The following MTUS2 variants were observed in gnomAD, a reference collection of about 807,000 sequenced individuals.
MTUS2 encodes the protein microtubule-associated tumor suppressor candidate 2.
In MTUS2, 40 loss-of-function variants were observed where a neutral mutation model predicts 114.1. The ratio of observed to expected loss-of-function variants is 0.35; its 90% CI spans 0.27 to 0.46. MTUS2 has a LOEUF of 0.46. MTUS2 is among the 20% of genes least tolerant of loss of function. The pLI, the probability that MTUS2 is intolerant of heterozygous loss-of-function variation, is 1.00. For missense variants in MTUS2, 1,679 were observed against 1,705.4 expected (o/e 0.98, Z 0.27); for synonymous variants, 688 against 672.0 (o/e 1.02, Z -0.37).
At chr13:29,198,474 C>T (rs1446542474) in intron 5 of MTUS2, among the ~76,000 whole-genome samples, 1 of 152,076 alleles carries the variant, frequency 6.6e-6, no homozygotes, top group Admixed American at 6.5e-5. Context: ...TTACTGTAGC[C>T]TTGTAGTATA....
At chr13:29,087,436 T>A (rs1259221455) in intron 4 of MTUS2, among the ~76,000 whole-genome samples, 1 of 152,198 alleles carries the variant, frequency 6.6e-6, no homozygotes, top group African/African-American at 2.4e-5. Context: ...CAACCTTACA[T>A]CCCAAGAATA....
chr13:29,320,130 A>G (rs1900192605), intron 6 of MTUS2, among the ~76,000 whole-genome samples: 1 of 152,220 alleles, frequency 6.6e-6, no homozygotes. Flanking sequence ...CCAGATAGAG[A>G]CAATGTCATC....
intron 9 of MTUS2, among the ~76,000 whole-genome samples, chr13:29,463,008 C>A (rs532368141): frequency 7.2e-5 from 11 of 152,114 alleles, no homozygotes; most frequent in Non-Finnish European, 1.6e-4. Context: ...TTGGGGCCCA[C>A]TGGAATCATA....
At chr13:29,186,824 C>T (rs1332725909) in intron 5 of MTUS2, among the ~76,000 whole-genome samples, 1 of 152,080 alleles carries the variant, frequency 6.6e-6, no homozygotes, top group East Asian at 1.9e-4. Flanking sequence ...GCACATTATT[C>T]TCAAGTGCAC....
rs549072405 is a variant in MTUS2 at position 29,501,595 on chromosome 13, C to T, written c.3896+401C>T. 5.9e-5 allele frequency among the ~76,000 whole-genome samples: 9 copies of T among 152,318 alleles called. 1 individual carries two copies. The highest frequency in any genetic ancestry group is 5.8e-4 in the East Asian group (3 of 5,170). On this transcript the variant is annotated intron_variant, in intron 15 of 15. Coordinates refer to ENST00000612955, the MANE Select transcript of MTUS2 (RefSeq NM_001033602.4). ...GGTCTCGCCTGTCCCTGTGGGGCCACGCTCTGAGGTGCCCCAGCTTTCAAG... is the reference window on the plus strand; with the variant it reads ...GGTCTCGCCTGTCCCTGTGGGGCCATGCTCTGAGGTGCCCCAGCTTTCAAG...
chr13:28,904,601 C>T (rs907489507), intron 2 of MTUS2, among the ~76,000 whole-genome samples: 118 of 152,148 alleles, frequency 7.8e-4, no homozygotes, highest in Non-Finnish European at 1.3e-3. Context: ...GTGTTCTGTT[C>T]CATTGGTCTA....
intron 5 of MTUS2, among the ~76,000 whole-genome samples, chr13:29,183,175 G>C (rs1430055713): frequency 6.6e-6 from 1 of 152,196 alleles, no homozygotes; most frequent in East Asian, 1.9e-4. Flanking sequence ...GTGCAGAGGA[G>C]ATGGTAAGGA....
chr13:29,105,916 T>C (rs1467818935), intron 5 of MTUS2, among the ~76,000 whole-genome samples: 1 of 152,092 alleles, frequency 6.6e-6, no homozygotes, highest in African/African-American at 2.4e-5. Flanking sequence ...GCGGTGCTGT[T>C]GGTGCATTCA....
intron 5 of MTUS2, among the ~76,000 whole-genome samples, chr13:29,145,914 G>C (rs1249310816): frequency 6.6e-6 from 1 of 152,142 alleles, no homozygotes; most frequent in Non-Finnish European, 1.5e-5. Context: ...CCTTCAAATG[G>C]TAAAGAAAGC....
At chr13:29,115,813 C>T (rs1891063842) in intron 5 of MTUS2, among the ~76,000 whole-genome samples, 2 of 152,166 alleles carry the variant, frequency 1.3e-5, no homozygotes, top group African/African-American at 4.8e-5. Context: ...GCCTCAGGTT[C>T]TTCATCAGTA....
Position 29,099,458 on chromosome 13 carries a change from A to T in MTUS2, c.2447-1315A>T, listed in dbSNP as rs1890317889. Among the ~76,000 whole-genome samples, 4 of 152,122 alleles carry T rather than the reference A, an allele frequency of 2.6e-5. No individual in the cohort carries two copies. The South Asian group carries it at 8.3e-4, about 32-fold the overall frequency. On this transcript the variant is annotated intron_variant, in intron 4 of 15. Transcript: ENST00000612955. ...TCGGGGGAGCTGCTGGCAGAGGAAG[A>T]GGTACTTTTCTATGTACCATTTAGA...
At chr13:29,299,557 A>G (rs546173317) in intron 6 of MTUS2, among the ~76,000 whole-genome samples, 7 of 152,284 alleles carry the variant, frequency 4.6e-5, no homozygotes, top group Admixed American at 3.9e-4. Flanking sequence ...TGTGAAAGGG[A>G]AATGAGTGTC....
chr13:28,968,441 A>G (rs1239075769), intron 2 of MTUS2, among the ~76,000 whole-genome samples: 2 of 152,222 alleles, frequency 1.3e-5, no homozygotes, highest in Non-Finnish European at 2.9e-5. Flanking sequence ...TATCAGAAAA[A>G]TGTCAAATGA....
At chr13:28,913,594 A>G (rs954530617) in intron 2 of MTUS2, among the ~76,000 whole-genome samples, 21 of 151,638 alleles carry the variant, frequency 1.4e-4, no homozygotes, top group African/African-American at 4.1e-4. Context: ...TGTATCTCTG[A>G]TATCTAGTTT....
At chr13:28,935,015 T>G (rs1566234406) in intron 2 of MTUS2, among the ~76,000 whole-genome samples, 1 of 144,676 alleles carries the variant, frequency 6.9e-6, no homozygotes, top group African/African-American at 2.6e-5. Context: ...CGTTTTTTTT[T>G]TTTTTTTTTT....
At chr13:28,987,153 C>G (rs1884623885) in intron 2 of MTUS2, among the ~76,000 whole-genome samples, 1 of 152,188 alleles carries the variant, frequency 6.6e-6, no homozygotes, top group Non-Finnish European at 1.5e-5. Flanking sequence ...GAGCTCTGGA[C>G]TCGTCCACTG....
chr13:29,445,486 A>G (rs780688612), intron 9 of MTUS2, among the ~76,000 whole-genome samples: 29 of 152,202 alleles, frequency 1.9e-4, no homozygotes, highest in Non-Finnish European at 3.5e-4. Flanking sequence ...ATTCACTAGA[A>G]TGATGCATAG....
chr13:29,406,884 C>G (rs1184315104), intron 8 of MTUS2, among the ~76,000 whole-genome samples: 1 of 152,210 alleles, frequency 6.6e-6, no homozygotes, highest in Non-Finnish European at 1.5e-5. Context: ...AGATCTGATT[C>G]ATCTGTTTTC....
intron 5 of MTUS2, among the ~76,000 whole-genome samples, chr13:29,116,908 T>C (rs1201853518): frequency 4.6e-5 from 7 of 152,314 alleles, no homozygotes; most frequent in African/African-American, 1.7e-4. Context: ...TTTCACTTAA[T>C]ATTTTTGGAC....
Sources: allele counts gnomAD v4.1 joint callset (sites outside exome capture counted in the v4.1 genomes callset), GRCh38; gene constraint gnomAD v4.1.1; transcripts MANE v1.5; gene names NCBI Gene and HGNC (gene_info 2026-07-23, HGNC 2026-07-21).